RARB: variants seen among roughly 807,000 people sequenced by gnomAD.
RARB encodes the protein retinoic acid receptor beta.
A neutral mutation model predicts 51.9 loss-of-function variants in RARB; 17 were observed. The ratio of observed to expected loss-of-function variants is 0.33; its 90% CI spans 0.22 to 0.49. The LOEUF (loss-of-function observed/expected upper bound fraction) is 0.49, where lower values mean the gene tolerates loss of function less well. Ranked by LOEUF, RARB falls within the 20% of genes least tolerant of loss-of-function variation. The probability of loss-of-function intolerance (pLI) is 0.99; values close to 1 mark genes in which losing one functional copy is unlikely to be tolerated. For synonymous variants in RARB, 215 were observed against 195.4 expected, an observed-to-expected ratio of 1.10 and a Z score of -0.84; for missense variants, 369 against 550.8, an observed-to-expected ratio of 0.67 and a Z score of 3.30.
intron 4 of RARB, among the ~76,000 whole-genome samples, chr3:25,171,616 G>A (rs1466364089): frequency 9.9e-6 from 1 of 100,706 alleles, no homozygotes; most frequent in Admixed American, 1.5e-4. Flanking sequence ...TGGAATAATG[G>A]TTTTTTCCCA....
chr3:25,325,202 T>C (rs974761877), intron 5 of RARB, among the ~76,000 whole-genome samples: 1 of 152,200 alleles, frequency 6.6e-6, no homozygotes, highest in Admixed American at 6.5e-5. Flanking sequence ...CTTCCTGATG[T>C]TGCCATGGCA....
chr3:24,971,245 A>T (rs180725969), intron 2 of RARB, among the ~76,000 whole-genome samples: 3 of 152,106 alleles, frequency 2.0e-5, no homozygotes, highest in Admixed American at 2.0e-4. Flanking sequence ...TACCATTATT[A>T]TTCTTATTCA....
chr3:25,356,368 A>C (rs569221623), intron 5 of RARB, among the ~76,000 whole-genome samples: 2 of 152,262 alleles, frequency 1.3e-5, no homozygotes, highest in East Asian at 3.9e-4. Context: ...TTTTATTTAC[A>C]TTAAATATTC....
intron 5 of RARB, among the ~76,000 whole-genome samples, chr3:25,210,957 G>A (rs758475841): frequency 6.6e-6 from 1 of 151,974 alleles, no homozygotes; most frequent in African/African-American, 2.4e-5. Context: ...ACTTATTTGC[G>A]ATGTGACTTT....
chr3:25,077,547 A>G (rs1006303801), intron 3 of RARB, among the ~76,000 whole-genome samples: 16 of 152,192 alleles, frequency 1.1e-4, no homozygotes, highest in South Asian at 6.2e-4. Context: ...GAAGTAGTCA[A>G]TGGTACTAAT....
intron 5 of RARB, among the ~76,000 whole-genome samples, chr3:25,231,119 T>G (rs1387716762): frequency 1.3e-5 from 2 of 152,146 alleles, no homozygotes; most frequent in Non-Finnish European, 2.9e-5. Flanking sequence ...AAGCAAATAC[T>G]TCTATACCAA....
intron 3 of RARB, among the ~76,000 whole-genome samples, chr3:25,511,721 G>T (rs982662408): frequency 6.6e-6 from 1 of 152,156 alleles, no homozygotes; most frequent in African/African-American, 2.4e-5. Flanking sequence ...TAGTGCCTCA[G>T]TTGCTGGTCA....
chr3:25,329,622 G>A (rs1300161159), intron 5 of RARB, among the ~76,000 whole-genome samples: 1 of 152,210 alleles, frequency 6.6e-6, no homozygotes, highest in Non-Finnish European at 1.5e-5. Flanking sequence ...AAGGAATGCA[G>A]CTGCTCGACA....
intron 2 of RARB, among the ~76,000 whole-genome samples, chr3:24,959,938 T>C (rs753528198): frequency 6.6e-6 from 1 of 152,250 alleles, no homozygotes; most frequent in Admixed American, 6.5e-5. Flanking sequence ...TGGAGACTTA[T>C]TCGAGATCTC....
chr3:25,300,452 G>T (rs1575294715), intron 5 of RARB, among the ~76,000 whole-genome samples: 1 of 152,192 alleles, frequency 6.6e-6, no homozygotes, highest in South Asian at 2.1e-4. Flanking sequence ...GAATATGACT[G>T]TCTACTTCTG....
chr3:25,481,058 T>C (rs538797369), intron 2 of RARB, among the ~76,000 whole-genome samples: 296 of 152,180 alleles, frequency 1.9e-3, no homozygotes, highest in African/African-American at 6.7e-3. Context: ...CACTGCCAGG[T>C]TTTTCAATAT....
At position 25,249,642 on chromosome 3, in the gene RARB, G is replaced by A. The variant is rs192243440; in HGVS notation, c.178+75067G>A. Among the ~76,000 whole-genome samples, 13 of 145,718 alleles carry A rather than the reference G, an allele frequency of 8.9e-5. 1 individual carries two copies. The East Asian group carries it at 2.6e-3, about 29-fold the overall frequency. On this transcript the variant is annotated intron_variant, in intron 5 of 11. Transcript: ENST00000383772. ...GATGTTGGTTGGGTAGGTCACTTCA[G>A]CTTTGATTCTGGGTATGCAGTAGTG...
chr3:25,292,151 G>T (rs1340584281), intron 5 of RARB, among the ~76,000 whole-genome samples: 2 of 152,016 alleles, frequency 1.3e-5, no homozygotes, highest in African/African-American at 2.4e-5. Context: ...AGCAGAGTTG[G>T]CTCTCTTGTC....
At chr3:25,384,020 G>A (rs950487460) in intron 5 of RARB, among the ~76,000 whole-genome samples, 17 of 151,990 alleles carry the variant, frequency 1.1e-4, no homozygotes, top group Non-Finnish European at 4.4e-5. Context: ...TCATTTTTTA[G>A]TTGGGTGTTT....
chr3:25,523,993 C>T (rs1698524317), intron 3 of RARB, among the ~76,000 whole-genome samples: 1 of 152,186 alleles, frequency 6.6e-6, no homozygotes, highest in South Asian at 2.1e-4. Context: ...ATCCTATGGG[C>T]AATGCCTAAG....
At chr3:25,224,137 A>G (rs1364692328) in intron 5 of RARB, among the ~76,000 whole-genome samples, 2 of 152,222 alleles carry the variant, frequency 1.3e-5, no homozygotes, top group African/African-American at 2.4e-5. Flanking sequence ...GCCTCAATTC[A>G]TACAACATTT....
At chr3:25,441,338 G>A in intron 1 of RARB, 1 of 370,282 alleles carries the variant, frequency 2.7e-6, no homozygotes, top group South Asian at 2.4e-5. Flanking sequence ...CATATTGGAA[G>A]GGAAGTTTGC....
chr3:25,251,205 C>T (rs1007212964), intron 5 of RARB, among the ~76,000 whole-genome samples: 5 of 151,984 alleles, frequency 3.3e-5, no homozygotes, highest in African/African-American at 1.2e-4. Flanking sequence ...TGCATTACTA[C>T]TTCATTCATT....
intron 1 of RARB, among the ~76,000 whole-genome samples, chr3:24,832,652 A>ATATATATATATATATATATATATATAC (rs1491520085): frequency 1.6e-5 from 1 of 61,068 alleles, no homozygotes; most frequent in Non-Finnish European, 3.1e-5. Flanking sequence ...TATATATATA[A>ATATATATATATATATATATATATATAC]TGTCAATTAA....
Sources: allele counts gnomAD v4.1 joint callset (sites outside exome capture counted in the v4.1 genomes callset), GRCh38; gene constraint gnomAD v4.1.1; transcripts MANE v1.5; gene names NCBI Gene and HGNC (gene_info 2026-07-23, HGNC 2026-07-21).